Variants in ARL4C observed in about 807,000 individuals in gnomAD.
ARL4C encodes the protein ARF like GTPase 4C.
ARL4C carries 5 observed loss-of-function variants against 12.8 expected under a neutral mutation model. The observed-to-expected ratio is 0.39, with a 90% CI of 0.20 to 0.82. ARL4C has a LOEUF of 0.82. Among genes scored for constraint, ARL4C ranks in the 40% least tolerant of loss-of-function variants. ARL4C has a pLI of 0.39. For missense variants in ARL4C, 148 were observed against 265.2 expected (o/e 0.56, Z 3.07); for synonymous variants, 119 against 119.4 (o/e 1.00, Z 0.02).
chr2:234,495,624 G>C lies in ARL4C; in HGVS notation c.*182C>G. 1.4e-6 allele frequency: 1 copy of C among 731,654 alleles called. No homozygotes were observed. The allele number at this position is 731,654 out of a possible 1,614,324, so 45.3% of individuals were successfully genotyped here. On this transcript the variant is annotated 3_prime_UTR_variant, in exon 2 of 2. Transcript: ENST00000339728. ...CCTGAACTTCTGGCCCTGCAGGAGTGGGAAGAAATCGCTTTTGTCTTTCCG... is the reference window on the plus strand; with the variant it reads ...CCTGAACTTCTGGCCCTGCAGGAGTCGGAAGAAATCGCTTTTGTCTTTCCG...
Position 234,495,490 on chromosome 2 carries a change from G to T in ARL4C, c.*316C>A. On this transcript the variant is annotated 3_prime_UTR_variant, in exon 2 of 2. Coordinates refer to ENST00000339728, the MANE Select transcript of ARL4C (RefSeq NM_001282431.2). ...TCACAGCCCCTGAATGCAAGGAGAGGTGGTCCCCCCAGAACCAACATGCCC... is the reference window on the plus strand; with the variant it reads ...TCACAGCCCCTGAATGCAAGGAGAGTTGGTCCCCCCAGAACCAACATGCCC... 1.9e-6 allele frequency: 1 copy of T among 530,576 alleles called. No homozygotes were observed. The highest frequency in any genetic ancestry group is 3.4e-6 in the Non-Finnish European group (1 of 294,662). The allele number at this position is 530,576 out of a possible 1,614,324, so 32.9% of individuals were successfully genotyped here.
chr2:234,495,696 G>C lies in ARL4C; in HGVS notation c.*110C>G, dbSNP rs570907635. 2 of 1,391,832 alleles carry C rather than the reference G, an allele frequency of 1.4e-6. No homozygotes were observed. The highest frequency in any genetic ancestry group is 2.3e-5 in the South Asian group (2 of 86,364). 86.2% of individuals were successfully genotyped at this position (1,391,832 alleles called of 1,614,324 possible). ...GGCTGGGAGGGCGGACAGCAGGACC[G>C]GCTCTTCCACTCCCCACCGCGGCCC... On this transcript the variant is annotated 3_prime_UTR_variant, in exon 2 of 2. Transcript: ENST00000339728.
Position 234,495,382 on chromosome 2 carries a change from C to T in ARL4C, c.*424G>A, listed in dbSNP as rs1691766800. 7.3e-6 allele frequency: 2 copies of T among 272,242 alleles called. No individual in the cohort carries two copies. The highest frequency in any genetic ancestry group is 4.4e-5 in the South Asian group (1 of 22,564). 16.9% of individuals were successfully genotyped at this position (272,242 alleles called of 1,614,324 possible). On this transcript the variant is annotated 3_prime_UTR_variant, in exon 2 of 2. Coordinates refer to ENST00000339728, the MANE Select transcript of ARL4C (RefSeq NM_001282431.2). ...CGTCCCAGGCAGTCCTCTGATGACC[C>T]AAACCACCACCACCTTTGGGCCCAG...
rs745701951 is a variant in ARL4C at position 234,496,509 on chromosome 2, C to T, written c.78G>A (p.Lys26=). 1.9e-6 allele frequency: 3 copies of T among 1,613,354 alleles called. No individual in the cohort carries two copies. The highest frequency in any genetic ancestry group is 2.2e-5 in the South Asian group (2 of 91,034). ...ACTTGAGCCGGTAGAGCACCGTGGT[C>T]TTGCCGGCCGAGTCCAAGCCCAACA... The part of the protein sequence containing the change: ...IVMLGLDSAG[K]TTVLYRLKFN... Residue 26 remains lysine (K), a synonymous_variant, in exon 1 of 2, where the codon AAG becomes AAA. Transcript: ENST00000339728.
In ARL4C at chr2:234,493,498, G is replaced by C. The variant is rs1010622550; in HGVS notation, c.*2308C>G. On this transcript the variant is annotated 3_prime_UTR_variant, in exon 2 of 2. Transcript: ENST00000339728. ...TAACTAGTAGTTGATACACCACAGG[G>C]CTTTACTTTACTGCACAATTACTAA... The C allele has an allele frequency of 2.6e-5, 4 of 152,466 alleles. No homozygotes were observed. Among genetic ancestry groups the C allele is most frequent in the African/African-American group, 9.7e-5 (4 of 41,430 alleles). 9.4% of individuals were successfully genotyped at this position (152,466 alleles called of 1,614,324 possible).
Position 234,496,669 on chromosome 2 carries a change from G to GCGCACCTGGGCCCCGCCCGCCGCCGCC in ARL4C, c.-110_-84dup, listed in dbSNP as rs1691789864. 1.1e-6 allele frequency: 1 copy of GCGCACCTGGGCCCCGCCCGCCGCCGCC among 892,076 alleles called. No individual in the cohort carries two copies. The highest frequency in any genetic ancestry group is 1.4e-6 in the Non-Finnish European group (1 of 725,452). The allele number at this position is 892,076 out of a possible 1,614,324, so 55.3% of individuals were successfully genotyped here. ...GCAGTCACGGGCCCGACGCGGCCGG[G>GCGCACCTGGGCCCCGCCCGCCGCCGCC]CGCACCTGGGCCCCGCCCGCCGCCG... is the stretch of plus-strand genomic sequence containing the variant. On this transcript the variant is annotated 5_prime_UTR_variant, in exon 1 of 2. Transcript: ENST00000339728.
intron 1 of ARL4C, 27 bp downstream of exon 1, chr2:234,495,985 G>A (rs374022338): frequency 4.9e-5 from 79 of 1,607,756 alleles, no homozygotes; most frequent in Middle Eastern, 1.7e-4. Context: ...GCACTCGCTC[G>A]CTCCCCGGTC....
rs1480036216 is a variant in ARL4C at position 234,495,447 on chromosome 2, A to G, written c.*359T>C. 2.3e-6 allele frequency: 1 copy of G among 428,164 alleles called. No individual in the cohort carries two copies. Among genetic ancestry groups the G allele is most frequent in the Admixed American group, 3.7e-5 (1 of 27,278 alleles). 26.5% of individuals were successfully genotyped at this position (428,164 alleles called of 1,614,324 possible). ...AATTTCAACAGGGGCCTGCCCTGTG[A>G]CCGAAAATTACTCAGCTTCACAGCC... On this transcript the variant is annotated 3_prime_UTR_variant, in exon 2 of 2. Transcript: ENST00000339728.
chr2:234,496,472 C>G lies in ARL4C; in HGVS notation c.115G>C (p.Val39Leu). Residue 39 changes from valine to leucine, a missense_variant, in exon 1 of 2, where the codon GTG becomes CTG. By Grantham distance (32) the Val-to-Leu change is conservative. Coordinates refer to ENST00000339728, the MANE Select transcript of ARL4C (RefSeq NM_001282431.2). ...AAGCCGATGGTGGGCACCGTGTTCA[C>G]GAACTCGTTGAACTTGAGCCGGTAG... is the stretch of plus-strand genomic sequence containing the variant. ...VLYRLKFNEF[V>L]NTVPTIGFNT... is the part of the protein sequence containing the mutation. 6.2e-7 allele frequency: 1 copy of G among 1,613,700 alleles called. No individual in the cohort carries two copies. The highest frequency in any genetic ancestry group is 8.5e-7 in the Non-Finnish European group (1 of 1,179,896).
chr2:234,496,404 G>A lies in ARL4C; in HGVS notation c.183C>T (p.Gly61=). ...KIKLSNGTAK[G]ISCHFWDVGG... is the part of the protein sequence containing the mutation. Reference sequence around the variant, plus strand: ...CCACGTCCCAGAAGTGGCAGCTGATGCCCTTGGCCGTGCCGTTGCTCAGCT... The same window carrying A: ...CCACGTCCCAGAAGTGGCAGCTGATACCCTTGGCCGTGCCGTTGCTCAGCT... The change falls in exon 1 of 2, where the codon GGC becomes GGT. Residue 61 remains glycine, a synonymous_variant. Coordinates refer to ENST00000339728, the MANE Select transcript of ARL4C (RefSeq NM_001282431.2). 1 of 1,611,428 alleles carries A rather than the reference G, an allele frequency of 6.2e-7. No individual in the cohort carries two copies. Among genetic ancestry groups the A allele is most frequent in the South Asian group, 1.1e-5 (1 of 90,968 alleles).
In ARL4C at chr2:234,495,953, C is replaced by T. The variant is rs553714125; in HGVS notation, c.575+59G>A. On this transcript the variant is annotated intron_variant, in intron 1 of 1. Transcript: ENST00000339728. Reference sequence around the variant, plus strand: ...CCATCCATCCATCCAACCATCCATCCATCCATTCATTCTTTCTTGACGCAC... The same window carrying T: ...CCATCCATCCATCCAACCATCCATCTATCCATTCATTCTTTCTTGACGCAC... The T allele has an allele frequency of 3.7e-6, 6 of 1,611,024 alleles. No individual in the cohort carries two copies. In the African/African-American group the frequency reaches 5.3e-5, roughly 14 times the overall value.
chr2:234,495,994 T>A lies in ARL4C; in HGVS notation c.575+18A>T, dbSNP rs771246697. 6.2e-7 allele frequency: 1 copy of A among 1,607,622 alleles called. No individual in the cohort carries two copies. Among genetic ancestry groups the A allele is most frequent in the Non-Finnish European group, 8.5e-7 (1 of 1,176,218 alleles). On this transcript the variant is annotated intron_variant, in intron 1 of 1. Transcript: ENST00000339728. ...CTTGACGCACTCGCTCGCTCCCCGG[T>A]CGCTCCGGGCGCATTACCGCTTCTT...
At position 234,496,270 on chromosome 2, in the gene ARL4C, G is replaced by A; in HGVS notation, c.317C>T (p.Thr106Met). 1.3e-6 allele frequency: 2 copies of A among 1,596,794 alleles called. No homozygotes were observed. The highest frequency in any genetic ancestry group is 8.5e-7 in the Non-Finnish European group (1 of 1,171,276). ...GAACTTGGTCACCTTGTGCAGCTCC[G>A]TCTTGGCCTCCTCCAGCCGGTCCAC... ...VDVDRLEEAKTELHKVTKFAE... is the reference protein window; with the variant it reads ...VDVDRLEEAKMELHKVTKFAE... Residue 106 changes from threonine to methionine, a missense_variant, in exon 1 of 2, where the codon ACG becomes ATG. Transcript: ENST00000339728.
In ARL4C at chr2:234,495,794, T is replaced by C. The variant is rs760122554; in HGVS notation, c.*12A>G. On this transcript the variant is annotated 3_prime_UTR_variant, in exon 2 of 2. Transcript: ENST00000339728. ...CTGGGGGTGGGGGGCAGGTCGAGAG[T>C]AGGCCGGTAAATCAGACTTCGCAGC... 2 of 1,598,270 alleles carry C rather than the reference T, an allele frequency of 1.3e-6. No individual in the cohort carries two copies.
intron 1 of ARL4C, 22 bp downstream of exon 1, chr2:234,495,990 C>A (rs3817128): frequency 6.2e-7 from 1 of 1,607,356 alleles, no homozygotes; most frequent in South Asian, 1.1e-5. Flanking sequence ...CGCTCGCTCC[C>A]CGGTCGCTCC....
rs1042871250 is a variant in ARL4C at position 234,495,748 on chromosome 2, T to C, written c.*58A>G. The C allele has an allele frequency of 6.3e-7, 1 of 1,595,252 alleles. No individual in the cohort carries two copies. The highest frequency in any genetic ancestry group is 1.3e-5 in the African/African-American group (1 of 74,872). Reference sequence around the variant, plus strand: ...CCGACCTGGTCAGTAGCTCTGGCGTTCAGACAAAAGGTCCCCTGAGCTGGG... The same window carrying C: ...CCGACCTGGTCAGTAGCTCTGGCGTCCAGACAAAAGGTCCCCTGAGCTGGG... On this transcript the variant is annotated 3_prime_UTR_variant, in exon 2 of 2. Transcript: ENST00000339728.
In ARL4C at chr2:234,493,162, C is replaced by T. The variant is rs564449925; in HGVS notation, c.*2644G>A. 1 of 152,606 alleles carries T rather than the reference C, an allele frequency of 6.6e-6. No homozygotes were observed. The highest frequency in any genetic ancestry group is 1.9e-4 in the East Asian group (1 of 5,204). The allele number at this position is 152,606 out of a possible 1,614,324, so 9.5% of individuals were successfully genotyped here. A position where few individuals can be genotyped will look rare whatever the true frequency, so the allele number is the denominator to read the frequency against. On this transcript the variant is annotated 3_prime_UTR_variant, in exon 2 of 2. Coordinates refer to ENST00000339728, the MANE Select transcript of ARL4C (RefSeq NM_001282431.2). ...ACAGCAGTAGAAAGGAAAACAGAAA[C>T]CAGGGCACACAGTTCCAACACCAGA...
Position 234,496,184 on chromosome 2 carries a change from G to A in ARL4C, c.403C>T (p.Leu135=). ...TGCTTCTCAATCTCTGCCACCGGCA[G>A]CGACTTGGGCAGGTCCTGCTTGTTG... ...IANKQDLPKS[L]PVAEIEKQLA... Residue 135 remains leucine (L), a synonymous_variant, in exon 1 of 2, where the codon CTG becomes TTG. Transcript: ENST00000339728. 1.2e-6 allele frequency: 2 copies of A among 1,609,900 alleles called. No individual in the cohort carries two copies. The highest frequency in any genetic ancestry group is 1.7e-6 in the Non-Finnish European group (2 of 1,178,152).
chr2:234,496,006 C>T lies in ARL4C; in HGVS notation c.575+6G>A, dbSNP rs1229348597. 1.9e-6 allele frequency: 3 copies of T among 1,606,146 alleles called. No homozygotes were observed. The highest frequency in any genetic ancestry group is 1.7e-4 in the Middle Eastern group (1 of 6,030). On this transcript the variant is annotated splice_donor_region_variant and intron_variant, in intron 1 of 1. Transcript: ENST00000339728. The stretch of plus-strand genomic sequence containing the variant: ...GCTCGCTCCCCGGTCGCTCCGGGCG[C>T]ATTACCGCTTCTTCTTCTGCTTGAG...
Sources: gnomAD v4.1 joint callset for allele counts on GRCh38, gnomAD v4.1.1 for gene constraint, MANE v1.5 for transcripts, NCBI Gene and HGNC (gene_info 2026-07-23, HGNC 2026-07-21) for gene names.